Variants in FRMD5 observed in about 807,000 individuals in gnomAD.
The protein encoded by FRMD5 is FERM domain containing 5, also known as FERM domain-containing protein 5.
A neutral mutation model predicts 69.0 loss-of-function variants in FRMD5; 20 were observed. That is an observed-to-expected ratio of 0.29 (90% CI 0.20 to 0.42). The LOEUF is 0.42. Among genes scored for constraint, FRMD5 ranks in the 10% least tolerant of loss-of-function variants. FRMD5 has a pLI of 1.00. For synonymous variants in FRMD5, 271 were observed against 260.1 expected, an observed-to-expected ratio of 1.04 and a Z score of -0.40; for missense variants, 595 against 708.6, an observed-to-expected ratio of 0.84 and a Z score of 1.82.
At chr15:43,893,255 TG>T (rs1304143184) in intron 7 of FRMD5, among the ~76,000 whole-genome samples, 1 of 151,890 alleles carries the variant, frequency 6.6e-6, no homozygotes, top group East Asian at 1.9e-4. Context: ...AAAGTTTAGC[TG>T]AAGAAAAAAA....
At chr15:43,987,430 G>A (rs191803929) in intron 1 of FRMD5, among the ~76,000 whole-genome samples, 437 of 152,292 alleles carry the variant, frequency 2.9e-3, no homozygotes, top group Admixed American at 6.6e-3. Context: ...ATAGAACAGC[G>A]GTCCTCAACC....
intron 1 of FRMD5, among the ~76,000 whole-genome samples, chr15:43,939,151 G>A (rs2089818042): frequency 6.6e-6 from 1 of 152,024 alleles, no homozygotes; most frequent in Non-Finnish European, 1.5e-5. Flanking sequence ...GATTACAGGT[G>A]TGTGAGCCAC....
intron 1 of FRMD5, among the ~76,000 whole-genome samples, chr15:44,081,765 A>G (rs182236335): frequency 1.3e-5 from 2 of 152,162 alleles, no homozygotes; most frequent in Admixed American, 1.3e-4. Context: ...TTAAAAATCT[A>G]CCCATTTTGG....
intron 1 of FRMD5, among the ~76,000 whole-genome samples, chr15:44,141,847 T>G (rs1595514444): frequency 6.6e-6 from 1 of 152,320 alleles, no homozygotes. Context: ...TGATGAACAT[T>G]GCACTTGCCA....
intron 1 of FRMD5, among the ~76,000 whole-genome samples, chr15:44,075,637 C>T (rs1330412894): frequency 6.6e-6 from 1 of 152,054 alleles, no homozygotes; most frequent in Non-Finnish European, 1.5e-5. Context: ...ATGTATGTAG[C>T]CATGGAAGCA....
In FRMD5 at chr15:44,092,128, CTT is replaced by C. The variant is rs569045407; in HGVS notation, c.102+102823_102+102824del. On this transcript the variant is annotated intron_variant, in intron 1 of 13. Transcript: ENST00000417257. ...GTTTCTTTCTTTTGGTCGTCACTCT[CTT>C]TTGGGAATCTAGTCCCTCTGTTTTG... Among the ~76,000 whole-genome samples, 296 of 152,250 alleles carry C rather than the reference CTT, an allele frequency of 1.9e-3. 1 individual carries two copies. Among genetic ancestry groups the C allele is most frequent in the Middle Eastern group, 3.4e-3 (1 of 294 alleles).
chr15:43,920,449 G>A (rs530220721), intron 2 of FRMD5, among the ~76,000 whole-genome samples: 85 of 152,296 alleles, frequency 5.6e-4, no homozygotes, highest in South Asian at 1.0e-3. Context: ...CACAACCAAC[G>A]TGTAGGATAG....
At chr15:44,174,390 A>G (rs1489576256) in intron 1 of FRMD5, among the ~76,000 whole-genome samples, 2 of 152,176 alleles carry the variant, frequency 1.3e-5, no homozygotes, top group Admixed American at 1.3e-4. Flanking sequence ...ACAAAATACA[A>G]TGTCTGTTTC....
At chr15:44,190,603 T>C (rs2078176662) in intron 1 of FRMD5, among the ~76,000 whole-genome samples, 3 of 152,172 alleles carry the variant, frequency 2.0e-5, no homozygotes, top group Admixed American at 2.0e-4. Flanking sequence ...AGAAATTGAC[T>C]TCATAAATAC....
Position 43,871,247 on chromosome 15 carries a change from C to T in FRMD5, c.*2638G>A, listed in dbSNP as rs1470617520. The T allele has an allele frequency of 2.0e-5, 3 of 152,054 alleles. No homozygotes were observed. The highest frequency in any genetic ancestry group is 7.2e-5 in the African/African-American group (3 of 41,390). 9.4% of individuals were successfully genotyped at this position (152,054 alleles called of 1,614,324 possible). A position where few individuals can be genotyped will look rare whatever the true frequency, so the allele number is the denominator to read the frequency against. ...TTCTATCCATATTTTCTGGGATGAG[C>T]CCTGGAAAAAAACAACCCTAAAGTT... On this transcript the variant is annotated 3_prime_UTR_variant, in exon 14 of 14. Transcript: ENST00000417257.
At chr15:44,007,468 G>C (rs1290042777) in intron 1 of FRMD5, among the ~76,000 whole-genome samples, 1 of 151,992 alleles carries the variant, frequency 6.6e-6, no homozygotes, top group Non-Finnish European at 1.5e-5. Context: ...TGACAAACTT[G>C]ACTGTTTTGA....
chr15:44,063,584 C>T, intron 1 of FRMD5: 1 of 525,884 alleles, frequency 1.9e-6, no homozygotes, highest in East Asian at 5.4e-5. Context: ...GCTTTTAACT[C>T]TGGCAAAGTG....
intron 1 of FRMD5, among the ~76,000 whole-genome samples, chr15:44,120,616 G>A (rs1020659144): frequency 5.5e-5 from 8 of 145,298 alleles, no homozygotes; most frequent in African/African-American, 1.0e-4. Flanking sequence ...TCCGCCTCCC[G>A]GGTTCACGCC....
intron 1 of FRMD5, among the ~76,000 whole-genome samples, chr15:43,966,837 T>TGAGCAAGG (rs2090302363): frequency 1.3e-5 from 2 of 152,182 alleles, no homozygotes; most frequent in South Asian, 4.1e-4. Context: ...GAAATGTTTC[T>TGAGCAAGG]GAGCAAGGGA....
chr15:43,951,315 G>C (rs577384928), intron 1 of FRMD5, among the ~76,000 whole-genome samples: 2 of 151,584 alleles, frequency 1.3e-5, no homozygotes, highest in South Asian at 4.2e-4. Flanking sequence ...CCAGCTACTC[G>C]GGAGGCTGAG....
chr15:44,044,113 T>C (rs1892325889), intron 1 of FRMD5, among the ~76,000 whole-genome samples: 1 of 151,926 alleles, frequency 6.6e-6, no homozygotes, highest in African/African-American at 2.4e-5. Context: ...GGGTGAAGGA[T>C]ATGAACAGAC....
chr15:43,914,969 C>G lies in FRMD5; in HGVS notation c.329+4490G>C, dbSNP rs150148803. 6.3e-3 allele frequency among the ~76,000 whole-genome samples: 962 copies of G among 152,178 alleles called. 9 individuals carry two copies. Among genetic ancestry groups the G allele is most frequent in the East Asian group, 0.056 (292 of 5,178 alleles). ...CTCAAACTCCTGATCTCAGGTGATC[C>G]GCCCACCTCAGCCTCCCAAAGTGCT... On this transcript the variant is annotated intron_variant, in intron 4 of 13. Transcript: ENST00000417257.
chr15:44,173,764 T>G (rs1012820656), intron 1 of FRMD5, among the ~76,000 whole-genome samples: 3 of 152,144 alleles, frequency 2.0e-5, no homozygotes, highest in Non-Finnish European at 4.4e-5. Flanking sequence ...TCCTCCCATC[T>G]CGGCTTCCCA....
intron 1 of FRMD5, among the ~76,000 whole-genome samples, chr15:44,043,797 T>C (rs1892310829): frequency 6.6e-6 from 1 of 152,110 alleles, no homozygotes; most frequent in Admixed American, 6.6e-5. Context: ...AAGACTTAAA[T>C]GTAAGACCTA....
Sources: allele counts gnomAD v4.1 joint callset (sites outside exome capture counted in the v4.1 genomes callset), GRCh38; gene constraint gnomAD v4.1.1; transcripts MANE v1.5; gene names NCBI Gene and HGNC (gene_info 2026-07-23, HGNC 2026-07-21).